Variants in BOC observed in about 807,000 individuals in gnomAD.
BOC encodes BOC cell adhesion associated, oncogene regulated, also known as brother of CDO.
BOC carries 76 observed loss-of-function variants against 112.0 expected under a neutral mutation model. The ratio of observed to expected loss-of-function variants is 0.68; its 90% CI spans 0.56 to 0.82. The LOEUF is 0.82. Ranked by LOEUF, BOC falls within the 40% of genes least tolerant of loss-of-function variation. The pLI is 0.00. For missense variants in BOC, 1,309 were observed against 1,511.7 expected, an observed-to-expected ratio of 0.87 and a Z score of 2.22; for synonymous variants, 580 against 599.8, an observed-to-expected ratio of 0.97 and a Z score of 0.48.
intron 2 of BOC, among the ~76,000 whole-genome samples, chr3:113,234,688 C>T (rs1234484614): frequency 6.6e-6 from 1 of 152,198 alleles, no homozygotes; most frequent in Admixed American, 6.5e-5. Context: ...GCGCCCAGTG[C>T]CCACCAGGGA....
At chr3:113,240,864 A>G (rs1944199801) in intron 2 of BOC, among the ~76,000 whole-genome samples, 1 of 152,136 alleles carries the variant, frequency 6.6e-6, no homozygotes, top group Non-Finnish European at 1.5e-5. Context: ...CCTGACTTCC[A>G]GCAGATATAC....
At chr3:113,285,280 T>A in intron 18 of BOC, 92 bp from the exon 19 acceptor site, 2 of 1,295,336 alleles carry the variant, frequency 1.5e-6, no homozygotes, top group Non-Finnish European at 2.2e-6. Flanking sequence ...CCAGCTCTGA[T>A]GCCCTCAGAC....
At chr3:113,277,191 A>T (rs1166230756) in intron 9 of BOC, among the ~76,000 whole-genome samples, 2 of 152,208 alleles carry the variant, frequency 1.3e-5, no homozygotes, top group African/African-American at 2.4e-5. Flanking sequence ...TGGGCTGAGG[A>T]TGTGGAGAGG....
chr3:113,222,996 G>A (rs992503234), intron 2 of BOC, among the ~76,000 whole-genome samples: 27 of 152,244 alleles, frequency 1.8e-4, no homozygotes, highest in African/African-American at 4.6e-4. Flanking sequence ...GTGGAAGTAA[G>A]GAACTGCACA....
chr3:113,282,769 C>A (rs1404836750), intron 15 of BOC, among the ~76,000 whole-genome samples: 2 of 151,908 alleles, frequency 1.3e-5, no homozygotes, highest in East Asian at 1.9e-4. Context: ...GCATACAGAG[C>A]AGCAGAGAGG....
At chr3:113,271,079 A>T (rs1948064189) in intron 6 of BOC, 135 bp downstream of exon 6, 2 of 1,330,016 alleles carry the variant, frequency 1.5e-6, no homozygotes, top group Non-Finnish European at 2.1e-6. Context: ...GGCCAGGGGG[A>T]CAGCCAGGGG....
At chr3:113,241,235 AC>A (rs1221981526) in intron 2 of BOC, among the ~76,000 whole-genome samples, 1 of 152,136 alleles carries the variant, frequency 6.6e-6, no homozygotes, top group Non-Finnish European at 1.5e-5. Flanking sequence ...AGTCAGAAAT[AC>A]CTAGGCATAG....
chr3:113,268,546 C>A, intron 5 of BOC, 101 bp downstream of exon 5: 2 of 1,152,120 alleles, frequency 1.7e-6, no homozygotes, highest in South Asian at 1.5e-5. Context: ...CTGCTGCTGT[C>A]TCCCAAACCC....
At chr3:113,282,493 G>T (rs1949285396) in intron 15 of BOC, among the ~76,000 whole-genome samples, 1 of 152,200 alleles carries the variant, frequency 6.6e-6, no homozygotes, top group South Asian at 2.1e-4. Flanking sequence ...CAAGAAGACA[G>T]ATTTCATGAG....
In BOC at chr3:113,220,229, C is replaced by T. The variant is rs113391724; in HGVS notation, c.-82+3955C>T. 9.2e-4 allele frequency among the ~76,000 whole-genome samples: 140 copies of T among 152,304 alleles called. 1 individual carries two copies. Among genetic ancestry groups the T allele is most frequent in the African/African-American group, 3.1e-3 (130 of 41,574 alleles). On this transcript the variant is annotated intron_variant, in intron 2 of 19. Transcript: ENST00000682979. The stretch of plus-strand genomic sequence containing the variant: ...CAGGCAGTTACCTGCAGAACAGTAA[C>T]GCAGACCTCTCTACTGGCTTAGGAG...
chr3:113,261,036 A>T (rs541931778), intron 4 of BOC, among the ~76,000 whole-genome samples: 1 of 152,168 alleles, frequency 6.6e-6, no homozygotes, highest in South Asian at 2.1e-4. Context: ...GGTGGATGGG[A>T]TTGGTGCCAC....
intron 2 of BOC, among the ~76,000 whole-genome samples, chr3:113,235,553 T>G (rs923582636): frequency 6.6e-6 from 1 of 152,192 alleles, no homozygotes; most frequent in Non-Finnish European, 1.5e-5. Flanking sequence ...GTGAAGAAAT[T>G]ATGATGATTA....
chr3:113,260,147 G>A (rs1000591965), intron 4 of BOC, among the ~76,000 whole-genome samples: 15 of 152,126 alleles, frequency 9.9e-5, no homozygotes, highest in Non-Finnish European at 1.9e-4. Context: ...TGCTGTCCAC[G>A]GGGCCTGGCA....
intron 2 of BOC, among the ~76,000 whole-genome samples, chr3:113,219,583 C>A (rs565172731): frequency 1.3e-5 from 2 of 152,318 alleles, no homozygotes; most frequent in South Asian, 4.1e-4. Flanking sequence ...GAAAAAGAAA[C>A]GAAGCAAGCT....
chr3:113,251,302 G>A (rs1347214220), intron 4 of BOC: 4 of 216,376 alleles, frequency 1.8e-5, no homozygotes, highest in Non-Finnish European at 9.2e-6. Context: ...TCTGGACAGA[G>A]CCCACCCAGC....
At chr3:113,220,203 A>T (rs1940333085) in intron 2 of BOC, among the ~76,000 whole-genome samples, 1 of 152,200 alleles carries the variant, frequency 6.6e-6, no homozygotes, top group African/African-American at 2.4e-5. Context: ...AAAGAATTCG[A>T]CAGGCAGTTA....
chr3:113,232,384 G>T (rs1425217213), intron 2 of BOC, among the ~76,000 whole-genome samples: 3 of 152,228 alleles, frequency 2.0e-5, no homozygotes, highest in African/African-American at 7.2e-5. Flanking sequence ...TGATTTAAAA[G>T]AACTTTGTAA....
chr3:113,269,142 TGGCAGGA>T (rs974992180), intron 5 of BOC, among the ~76,000 whole-genome samples: 6 of 152,214 alleles, frequency 3.9e-5, no homozygotes, highest in Non-Finnish European at 7.3e-5. Context: ...CAGGGTTCCT[TGGCAGGA>T]GGTGGAGCTC....
intron 2 of BOC, among the ~76,000 whole-genome samples, chr3:113,219,536 T>C (rs900756155): frequency 2.0e-5 from 3 of 152,250 alleles, no homozygotes; most frequent in African/African-American, 7.2e-5. Flanking sequence ...CAAGATGTCA[T>C]TGCAGGTCTG....
Sources: gnomAD v4.1 joint callset for allele counts (sites outside exome capture counted in the v4.1 genomes callset) on GRCh38, gnomAD v4.1.1 for gene constraint, MANE v1.5 for transcripts, NCBI Gene and HGNC (gene_info 2026-07-23, HGNC 2026-07-21) for gene names.